BLTP1: variants seen among roughly 807,000 people sequenced by gnomAD.
BLTP1 encodes the protein fragile site-associated protein.
chr4:122,251,199 G>C, the BLTP1 span: 1 of 882,096 alleles, frequency 1.1e-6, no homozygotes, highest in Admixed American at 6.2e-5. Flanking sequence ...ACCTTGCAGC[G>C]TTGTGAAGAC....
chr4:122,299,517 C>G, the BLTP1 span, among the ~76,000 whole-genome samples: 6 of 152,220 alleles, frequency 3.9e-5, no homozygotes, highest in Non-Finnish European at 8.8e-5. Context: ...AGCTAAACAC[C>G]ATCTGCTGCT....
chr4:122,309,269 AATC>A, the BLTP1 span: 2 of 1,610,724 alleles, frequency 1.2e-6, no homozygotes, highest in Non-Finnish European at 1.7e-6. Flanking sequence ...TTTGCAGTCT[AATC>A]ATACTGGAGA....
chr4:122,276,522 C>G, the BLTP1 span: 453 of 984,492 alleles, frequency 4.6e-4, 1 homozygote, highest in Non-Finnish European at 5.0e-4. Context: ...TGTTTAGTTT[C>G]ATTCAATAGA....
the BLTP1 span, among the ~76,000 whole-genome samples, chr4:122,217,622 A>AT: frequency 4.6e-5 from 7 of 152,012 alleles, no homozygotes; most frequent in African/African-American, 1.4e-4. Context: ...GTTAGCTAGT[A>AT]TTTTGTTGAG....
chr4:122,206,760 A>T, the BLTP1 span, among the ~76,000 whole-genome samples: 12 of 151,856 alleles, frequency 7.9e-5, no homozygotes, highest in Admixed American at 2.6e-4. Flanking sequence ...TGCATATAGG[A>T]TAGTGTCAGT....
chr4:122,234,613 TA>T, the BLTP1 span: 1 of 410,974 alleles, frequency 2.4e-6, no homozygotes, highest in Non-Finnish European at 3.3e-6. Flanking sequence ...GCAAATGATT[TA>T]AAAAAACACA....
the BLTP1 span, among the ~76,000 whole-genome samples, chr4:122,318,513 C>A: frequency 6.6e-6 from 1 of 152,154 alleles, no homozygotes; most frequent in Non-Finnish European, 1.5e-5. Context: ...AATAGTCAAA[C>A]CTAGGTTGTA....
the BLTP1 span, chr4:122,334,419 T>A: frequency 6.2e-7 from 1 of 1,613,048 alleles, no homozygotes; most frequent in South Asian, 1.1e-5. Flanking sequence ...AAGAACACTG[T>A]CCAAAGAGTC....
the BLTP1 span, chr4:122,273,438 C>G: frequency 1.0e-6 from 1 of 984,108 alleles, no homozygotes; most frequent in African/African-American, 1.8e-5. Flanking sequence ...CTGGAAATAT[C>G]ACAAAGGATA....
chr4:122,288,247 G>A, the BLTP1 span, among the ~76,000 whole-genome samples: 1 of 152,100 alleles, frequency 6.6e-6, no homozygotes, highest in South Asian at 2.1e-4. Flanking sequence ...AACCTTAACT[G>A]GGTATCTCTG....
At chr4:122,314,847 G>A in the BLTP1 span, among the ~76,000 whole-genome samples, 1 of 152,264 alleles carries the variant, frequency 6.6e-6, no homozygotes, top group South Asian at 2.1e-4. Flanking sequence ...TCAGACTACA[G>A]TTAAACTTAG....
At chr4:122,308,265 A>T in the BLTP1 span, 3 of 1,242,976 alleles carry the variant, frequency 2.4e-6, no homozygotes, top group Middle Eastern at 4.0e-4. Context: ...GTAACAGTTT[A>T]TAACTGTTTA....
the BLTP1 span, chr4:122,250,811 T>C: frequency 2.0e-6 from 1 of 512,074 alleles, no homozygotes; most frequent in African/African-American, 2.1e-5. Flanking sequence ...TATGCCTTGC[T>C]CAAATTAGAT....
At chr4:122,239,941 A>T in the BLTP1 span, 1 of 1,614,088 alleles carries the variant, frequency 6.2e-7, no homozygotes, top group Non-Finnish European at 8.5e-7. Flanking sequence ...AAAAAGAAGA[A>T]AAAGCAAACC....
At chr4:122,252,722 G>A in the BLTP1 span, among the ~76,000 whole-genome samples, 4 of 152,294 alleles carry the variant, frequency 2.6e-5, no homozygotes, top group East Asian at 3.9e-4. Context: ...AGAGCCTGGC[G>A]AACTCGCCAC....
the BLTP1 span, chr4:122,334,475 T>C: frequency 6.2e-7 from 1 of 1,612,842 alleles, no homozygotes; most frequent in African/African-American, 1.3e-5. Flanking sequence ...CTCCTTCTCC[T>C]CCTTTACCTT....
At chr4:122,283,663 C>T in the BLTP1 span, among the ~76,000 whole-genome samples, 7 of 152,128 alleles carry the variant, frequency 4.6e-5, no homozygotes, top group African/African-American at 9.7e-5. Context: ...TGCACCACCA[C>T]ATCTGGCTAA....
chr4:122,280,266 G>T, the BLTP1 span: 1 of 799,702 alleles, frequency 1.3e-6, no homozygotes, highest in Non-Finnish European at 1.5e-6. Context: ...CTAATAAAAA[G>T]CAAATTGGTG....
At chr4:122,341,942 T>C in the BLTP1 span, 1 of 466,012 alleles carries the variant, frequency 2.1e-6, no homozygotes, top group Admixed American at 6.4e-5. Flanking sequence ...AAGAAACAGT[T>C]TGTCAACTCT....
Sources: gnomAD v4.1 joint callset for allele counts (sites outside exome capture counted in the v4.1 genomes callset) on GRCh38, gnomAD v4.1.1 for gene constraint, MANE v1.5 for transcripts, NCBI Gene and HGNC (gene_info 2026-07-23, HGNC 2026-07-21) for gene names.